The following EEPD1 variants were observed in gnomAD, a reference collection of about 807,000 sequenced individuals.
EEPD1 encodes the protein endonuclease/exonuclease/phosphatase family domain containing 1.
EEPD1 carries 17 observed loss-of-function variants against 46.3 expected under a neutral mutation model. That is an observed-to-expected ratio of 0.37 (90% confidence interval 0.25 to 0.55). The LOEUF (loss-of-function observed/expected upper bound fraction) is 0.55. Ranked by LOEUF, EEPD1 falls within the 20% of genes least tolerant of loss-of-function variation. The pLI is 0.83. For synonymous variants in EEPD1, 313 were observed against 315.6 expected, an observed-to-expected ratio of 0.99 and a Z score of 0.09; for missense variants, 673 against 745.6, an observed-to-expected ratio of 0.90 and a Z score of 1.13.
chr7:36,281,184 A>C lies in EEPD1; in HGVS notation c.1000A>C (p.Lys334Gln). 1 of 1,614,192 alleles carries C rather than the reference A, an allele frequency of 6.2e-7. No homozygotes were observed. Among genetic ancestry groups the C allele is most frequent in the Non-Finnish European group, 8.5e-7 (1 of 1,180,038 alleles). Residue 334 changes from lysine (K) to glutamine (Q), a missense_variant, in exon 4 of 8, where the codon AAG becomes CAG. Lys to Gln is a moderately conservative substitution (Grantham distance 53, BLOSUM62 1). Transcript: ENST00000242108. ...RKWKGPRGCW[K>Q]AVVAEKPSSQ... The stretch of plus-strand genomic sequence containing the variant: ...GTGGAAGGGGCCCCGGGGATGCTGG[A>C]AGGCTGTTGTTGCTGAGAAGCCCTC...
chr7:36,278,415 A>G (rs1787213508), intron 3 of EEPD1, among the ~76,000 whole-genome samples: 1 of 145,860 alleles, frequency 6.9e-6, no homozygotes, highest in South Asian at 2.2e-4. Context: ...CGCTGCAGAC[A>G]GGGAGTCACA....
At chr7:36,206,466 G>T (rs907903455) in intron 2 of EEPD1, among the ~76,000 whole-genome samples, 1 of 151,982 alleles carries the variant, frequency 6.6e-6, no homozygotes, top group African/African-American at 2.4e-5. Flanking sequence ...ACTCAGATCT[G>T]CCGTATTTCA....
intron 3 of EEPD1, among the ~76,000 whole-genome samples, chr7:36,241,744 T>G (rs1016153894): frequency 7.9e-5 from 12 of 152,122 alleles, no homozygotes; most frequent in African/African-American, 2.9e-4. Flanking sequence ...GGCATGTGCC[T>G]GTAATCCCAG....
chr7:36,299,349 C>T lies in EEPD1; in HGVS notation c.*143C>T. 9.8e-7 allele frequency: 1 copy of T among 1,021,390 alleles called. No individual in the cohort carries two copies. The highest frequency in any genetic ancestry group is 2.6e-5 in the East Asian group (1 of 38,372). 63.3% of individuals were successfully genotyped at this position (1,021,390 alleles called of 1,614,324 possible). On this transcript the variant is annotated 3_prime_UTR_variant, in exon 8 of 8. Coordinates refer to ENST00000242108, the MANE Select transcript of EEPD1 (RefSeq NM_030636.3). The stretch of plus-strand genomic sequence containing the variant: ...CACTTGAGGCCTTGCCCCACGCCTT[C>T]TCTGTGGACCATTCAGGACCTCCAG...
At chr7:36,280,170 G>A (rs749271165) in intron 3 of EEPD1, among the ~76,000 whole-genome samples, 14 of 152,318 alleles carry the variant, frequency 9.2e-5, no homozygotes, top group African/African-American at 3.1e-4. Flanking sequence ...GAGACCTCCA[G>A]GTGGAGATGC....
Position 36,226,535 on chromosome 7 carries a change from A to G in EEPD1, c.879-12450A>G, listed in dbSNP as rs116784902. Among the ~76,000 whole-genome samples the G allele has an allele frequency of 7.4e-3, 1,132 of 152,332 alleles. 7 individuals are homozygous for G. Among genetic ancestry groups the G allele is most frequent in the African/African-American group, 0.026 (1,061 of 41,560 alleles). On this transcript the variant is annotated intron_variant, in intron 2 of 7. Coordinates refer to ENST00000242108, the MANE Select transcript of EEPD1 (RefSeq NM_030636.3). ...CACTGATAGATCCAAAAACATGTTC[A>G]GGAACTACTCAAATGCTTGGGAAAT...
At chr7:36,265,394 G>C (rs111698101) in intron 3 of EEPD1, among the ~76,000 whole-genome samples, 1 of 152,134 alleles carries the variant, frequency 6.6e-6, no homozygotes, top group African/African-American at 2.4e-5. Context: ...CCTAGAGCCC[G>C]CCTGAGAGTG....
chr7:36,262,245 T>G (rs1235483866), intron 3 of EEPD1, among the ~76,000 whole-genome samples: 1 of 152,022 alleles, frequency 6.6e-6, no homozygotes, highest in African/African-American at 2.4e-5. Context: ...GAGGGTGAAG[T>G]GCGGAGGATT....
rs748521659 is a variant in EEPD1 at position 36,284,780 on chromosome 7, G to A, written c.1136G>A (p.Gly379Glu). The change falls in exon 5 of 8, where the codon GGG (glycine) becomes GAG (glutamate). Residue 379 changes from glycine (G) to glutamate (E), a missense_variant. By Grantham distance (98) the Gly-to-Glu change is moderately conservative (BLOSUM62 -2). Transcript: ENST00000242108. ...GAGAGCTCGCCAAGCAACGGGCACG[G>A]GAAGCTGGCGGGCCCCAGCCCATAC... ...SQESSPSNGH[G>E]KLAGPSPYLG... 6.3e-7 allele frequency: 1 copy of A among 1,589,070 alleles called. No homozygotes were observed. The highest frequency in any genetic ancestry group is 1.7e-5 in the Admixed American group (1 of 57,784).
In EEPD1 at chr7:36,272,521, T is replaced by TTTG. The variant is rs1554321120; in HGVS notation, c.931-8593_931-8592insTGT. 7.8e-4 allele frequency among the ~76,000 whole-genome samples: 116 copies of TTTG among 149,126 alleles called. 1 individual carries two copies. The East Asian group carries it at 0.012, about 15-fold the overall frequency. On this transcript the variant is annotated intron_variant, in intron 3 of 7. Transcript: ENST00000242108. ...TTTTGTTGTTGTTTTTTTTTTTTTT[T>TTTG]TGTGCTCCCTTCGCTTATTTGTAAC...
At chr7:36,202,138 A>G (rs1785721766) in intron 2 of EEPD1, among the ~76,000 whole-genome samples, 1 of 152,220 alleles carries the variant, frequency 6.6e-6, no homozygotes, top group South Asian at 2.1e-4. Flanking sequence ...GTGAAAGAAC[A>G]GCTTGCCTTC....
chr7:36,243,461 G>A (rs1786589201), intron 3 of EEPD1, among the ~76,000 whole-genome samples: 2 of 152,144 alleles, frequency 1.3e-5, no homozygotes, highest in Admixed American at 6.5e-5. Context: ...GGCTTAGTTA[G>A]ACACACATTC....
intron 6 of EEPD1, among the ~76,000 whole-genome samples, chr7:36,293,201 G>C (rs1329269154): frequency 1.3e-5 from 2 of 152,150 alleles, no homozygotes; most frequent in Admixed American, 6.6e-5. Context: ...TGGTGGTAAA[G>C]TGAAGAAAAT....
At chr7:36,173,550 G>C (rs1785126858) in intron 2 of EEPD1, among the ~76,000 whole-genome samples, 1 of 151,320 alleles carries the variant, frequency 6.6e-6, no homozygotes, top group Non-Finnish European at 1.5e-5. Context: ...CTCTTCTGCT[G>C]CCATGTAAGA....
At chr7:36,295,129 G>A (rs1787501914) in intron 6 of EEPD1, among the ~76,000 whole-genome samples, 1 of 148,512 alleles carries the variant, frequency 6.7e-6, no homozygotes, top group Admixed American at 6.7e-5. Flanking sequence ...AGTGAGCCGA[G>A]ATCCACCACT....
Position 36,154,340 on chromosome 7 carries a change from GGCTGCCACCGC to G in EEPD1, c.17_27del (p.Gly6ValfsTer12). ...CTGGCGGACCATGGGGAGCACCCTG[GGCTGCCACCGC>G]TCCATCCCCAGGGACCCCTCGGACC... On this transcript the variant is annotated frameshift_variant, in exon 2 of 8. Coordinates refer to ENST00000242108, the MANE Select transcript of EEPD1 (RefSeq NM_030636.3). LOFTEE classifies it high-confidence loss of function. The surrounding 1 kb of genome is among the most constrained non-coding windows in gnomAD (Gnocchi z 4.2). 2 of 1,610,242 alleles carry G rather than the reference GGCTGCCACCGC, an allele frequency of 1.2e-6. No homozygotes were observed. Among genetic ancestry groups the G allele is most frequent in the Non-Finnish European group, 1.7e-6 (2 of 1,179,740 alleles).
At chr7:36,203,043 A>C (rs1438375723) in intron 2 of EEPD1, among the ~76,000 whole-genome samples, 1 of 152,034 alleles carries the variant, frequency 6.6e-6, no homozygotes, top group Non-Finnish European at 1.5e-5. Flanking sequence ...GCTGGTGGCC[A>C]CTCTTGACAT....
intron 2 of EEPD1, among the ~76,000 whole-genome samples, chr7:36,177,742 C>A (rs1785206838): frequency 6.6e-6 from 1 of 152,136 alleles, no homozygotes; most frequent in South Asian, 2.1e-4. Context: ...GAAACAGAAT[C>A]TCACTCTGTC....
chr7:36,160,099 G>A (rs976263106), intron 2 of EEPD1, among the ~76,000 whole-genome samples: 17 of 152,228 alleles, frequency 1.1e-4, no homozygotes, highest in African/African-American at 4.1e-4. Flanking sequence ...GTTTGATGGT[G>A]TTGATTTTCC....
Sources: gnomAD v4.1 joint callset for allele counts (sites outside exome capture counted in the v4.1 genomes callset) on GRCh38, gnomAD v4.1.1 for gene constraint, Gnocchi (gnomAD v3.1) non-coding constraint, MANE v1.5 for transcripts, NCBI Gene and HGNC (gene_info 2026-07-23, HGNC 2026-07-21) for gene names.